LHFPL4: variants seen among roughly 807,000 people sequenced by gnomAD.
LHFPL4 encodes the protein LHFPL tetraspan subfamily member 4, also known as LHFPL tetraspan subfamily member 4 protein.
Under a neutral mutation model 20.0 loss-of-function variants are expected in LHFPL4, and 6 were observed. That is an observed-to-expected ratio of 0.30 (90% CI 0.16 to 0.59). The LOEUF (loss-of-function observed/expected upper bound fraction) is 0.59. LHFPL4 is among the 20% of genes least tolerant of loss of function. The pLI is 0.88. For missense variants in LHFPL4, 215 were observed against 331.2 expected (o/e 0.65, Z 2.72); for synonymous variants, 129 against 143.8 (o/e 0.90, Z 0.74).
chr3:9,546,124 G>A (rs1485150090), intron 2 of LHFPL4, among the ~76,000 whole-genome samples: 1 of 151,920 alleles, frequency 6.6e-6, no homozygotes, highest in Non-Finnish European at 1.5e-5. Context: ...GACCAGCCTG[G>A]CCAACATGGT....
intron 2 of LHFPL4, among the ~76,000 whole-genome samples, chr3:9,538,102 C>A (rs995546550): frequency 1.2e-4 from 18 of 152,142 alleles, no homozygotes; most frequent in African/African-American, 3.4e-4. Context: ...CCAACACACC[C>A]ATTGGTCTTC....
In LHFPL4 at chr3:9,552,418, G is replaced by T; in HGVS notation, c.262C>A (p.Pro88Thr). 1 of 1,613,836 alleles carries T rather than the reference G, an allele frequency of 6.2e-7. No homozygotes were observed. The highest frequency in any genetic ancestry group is 8.5e-7 in the Non-Finnish European group (1 of 1,179,992). ...RGSFTDFSTI[P>T]SSAFKAAAFF... ...GCGGCCGCCTTGAAGGCGCTGGACG[G>T]GATGGTGCTGAAGTCGGTGAAGGAG... Residue 88 changes from proline (P) to threonine (T), a missense_variant, in exon 2 of 4, where the codon CCG becomes ACG. Physicochemically the swap from Pro to Thr is conservative, Grantham distance 38. Transcript: ENST00000287585.
Position 9,506,636 on chromosome 3 carries a change from A to C in LHFPL4, c.407-433T>G, listed in dbSNP as rs924582224. ...CGCTCTGTTGCCCAGGGTGGAGTGC[A>C]ATGGCGTGATCTCGGCTCACTGTAA... On this transcript the variant is annotated intron_variant, in intron 2 of 3. Transcript: ENST00000287585. This position sits in a 1 kb window ranked among gnomAD's most constrained non-coding sequence, Gnocchi z 4.5. Among the ~76,000 whole-genome samples, 4 of 149,518 alleles carry C rather than the reference A, an allele frequency of 2.7e-5. No homozygotes were observed. Among genetic ancestry groups the C allele is most frequent in the Non-Finnish European group, 5.9e-5 (4 of 67,670 alleles).
At position 9,499,770 on chromosome 3, in the gene LHFPL4, C is replaced by A. The variant is rs1484146494; in HGVS notation, c.*2441G>T. The A allele has an allele frequency of 6.6e-6, 1 of 152,232 alleles. No individual in the cohort carries two copies. Among genetic ancestry groups the A allele is most frequent in the African/African-American group, 2.4e-5 (1 of 41,368 alleles). The allele number at this position is 152,232 out of a possible 1,614,324, so 9.4% of individuals were successfully genotyped here. A position where few individuals can be genotyped will look rare whatever the true frequency, so the allele number is the denominator to read the frequency against. ...TGGGGAACAAGGTGTGGCAAGGACA[C>A]CTGGTGGCAGGCGTCCTTGGGGGAA... On this transcript the variant is annotated 3_prime_UTR_variant, in exon 4 of 4. Transcript: ENST00000287585.
chr3:9,507,442 A>C (rs2046226503), intron 2 of LHFPL4, among the ~76,000 whole-genome samples: 1 of 152,252 alleles, frequency 6.6e-6, no homozygotes, highest in African/African-American at 2.4e-5. Flanking sequence ...TGGTATCCTC[A>C]AGTGGTTGTA....
rs2046150912 is a variant in LHFPL4 at position 9,498,932 on chromosome 3, C to T, written c.*3279G>A. 6.6e-6 allele frequency: 1 copy of T among 152,478 alleles called. No individual in the cohort carries two copies. Among genetic ancestry groups the T allele is most frequent in the African/African-American group, 2.4e-5 (1 of 41,434 alleles). 9.4% of individuals were successfully genotyped at this position (152,478 alleles called of 1,614,324 possible). A position where few individuals can be genotyped will look rare whatever the true frequency, so the allele number is the denominator to read the frequency against. On this transcript the variant is annotated 3_prime_UTR_variant, in exon 4 of 4. Transcript: ENST00000287585. ...TCCCCAAAGACGAAAGTTTTCATAG[C>T]CCCGGTTCCCAGAAGGACTCAACTG...
chr3:9,504,397 G>A (rs1477518346), intron 3 of LHFPL4, among the ~76,000 whole-genome samples: 1 of 144,968 alleles, frequency 6.9e-6, no homozygotes, highest in African/African-American at 2.5e-5. Flanking sequence ...AAAAAAAAAG[G>A]ACTCTAACGC....
intron 2 of LHFPL4, among the ~76,000 whole-genome samples, chr3:9,537,051 A>G (rs1407992175): frequency 6.6e-6 from 1 of 152,046 alleles, no homozygotes; most frequent in Non-Finnish European, 1.5e-5. Context: ...GTGCCACTGT[A>G]CTGCAGCCTG....
At chr3:9,548,502 G>C (rs187892622) in intron 2 of LHFPL4, among the ~76,000 whole-genome samples, 6 of 152,126 alleles carry the variant, frequency 3.9e-5, no homozygotes, top group Admixed American at 2.6e-4. Context: ...TCTCCATTCA[G>C]GATGCTCTCT....
At chr3:9,502,361 A>G in intron 3 of LHFPL4, 50 bp from the exon 4 acceptor site, 1 of 1,379,158 alleles carries the variant, frequency 7.3e-7, no homozygotes, top group Non-Finnish European at 1.0e-6. Flanking sequence ...AGAAAGTCAG[A>G]GGCTGCCTGG....
intron 2 of LHFPL4, among the ~76,000 whole-genome samples, chr3:9,541,802 A>G (rs2046478386): frequency 6.6e-6 from 1 of 152,046 alleles, no homozygotes; most frequent in Non-Finnish European, 1.5e-5. Flanking sequence ...AAAGACCTAA[A>G]TGTAAGAGCC....
At position 9,541,099 on chromosome 3, in the gene LHFPL4, C is replaced by A. The variant is rs142770831; in HGVS notation, c.406+11175G>T. ...GGGATTACAGGTGTGTGCCAGCACA[C>A]CCAGCTAATATTTTTTGTATTTTTA... On this transcript the variant is annotated intron_variant, in intron 2 of 3. Transcript: ENST00000287585. Among the ~76,000 whole-genome samples, 53 of 151,956 alleles carry A rather than the reference C, an allele frequency of 3.5e-4. No individual in the cohort carries two copies. The East Asian group carries it at 9.9e-3, about 28-fold the overall frequency.
intron 2 of LHFPL4, among the ~76,000 whole-genome samples, chr3:9,523,450 CTTTATTTA>C (rs199544534): frequency 0.78 from 115,228 of 147,864 alleles, 46,147 homozygotes; most frequent in South Asian, 0.87. Flanking sequence ...GAGACAGAGT[CTTTATTTA>C]TTTATTTATT....
At chr3:9,525,794 G>A (rs545897760) in intron 2 of LHFPL4, among the ~76,000 whole-genome samples, 10 of 152,228 alleles carry the variant, frequency 6.6e-5, no homozygotes, top group African/African-American at 2.2e-4. Context: ...TGGGAAACAT[G>A]CCAGACACTG....
intron 2 of LHFPL4, among the ~76,000 whole-genome samples, chr3:9,515,676 GA>G (rs2046295350): frequency 6.6e-6 from 1 of 151,608 alleles, no homozygotes; most frequent in East Asian, 1.9e-4. Flanking sequence ...CCCGCCTCAA[GA>G]GTTATTTGTA....
rs537121350 is a variant in LHFPL4, at chr3:9,523,991, C to G, written c.407-17788G>C. ...AATTCTAGGCTAGTATTTCCCCCCC[C>G]CCCAACACTTTAAATATTTCACTCC... On this transcript the variant is annotated intron_variant, in intron 2 of 3. Coordinates refer to ENST00000287585, the MANE Select transcript of LHFPL4 (RefSeq NM_198560.3). Among the ~76,000 whole-genome samples, 68 of 142,352 alleles carry G rather than the reference C, an allele frequency of 4.8e-4. 2 individuals carry two copies. Among genetic ancestry groups the G allele is most frequent in the Admixed American group, 3.1e-3 (44 of 14,180 alleles). 93.4% of individuals were successfully genotyped at this position (142,352 alleles called of 152,430 possible). A position where few individuals can be genotyped will look rare whatever the true frequency, so the allele number is the denominator to read the frequency against.
intron 3 of LHFPL4, among the ~76,000 whole-genome samples, chr3:9,502,947 G>A (rs1182810370): frequency 6.6e-6 from 1 of 152,068 alleles, no homozygotes; most frequent in Non-Finnish European, 1.5e-5. Flanking sequence ...GGAAATGGAA[G>A]CAATTTATTT....
At chr3:9,541,133 G>A (rs750585013) in intron 2 of LHFPL4, among the ~76,000 whole-genome samples, 2 of 151,756 alleles carry the variant, frequency 1.3e-5, no homozygotes, top group East Asian at 2.0e-4. Context: ...TAGTAGAGAC[G>A]GGGTTTCACC....
chr3:9,526,218 G>C (rs992395399), intron 2 of LHFPL4, among the ~76,000 whole-genome samples: 3 of 152,118 alleles, frequency 2.0e-5, no homozygotes, highest in African/African-American at 4.8e-5. Context: ...AGCTGCCAGG[G>C]CTCGGGGGAG....
Sources: gnomAD v4.1 joint callset for allele counts (sites outside exome capture counted in the v4.1 genomes callset) on GRCh38, gnomAD v4.1.1 for gene constraint, Gnocchi (gnomAD v3.1) non-coding constraint, MANE v1.5 for transcripts, NCBI Gene and HGNC (gene_info 2026-07-23, HGNC 2026-07-21) for gene names.